Variants in PIEZO1 observed in about 807,000 individuals in gnomAD.
PIEZO1 encodes piezo-type mechanosensitive ion channel component 1.
PIEZO1 carries 296 observed loss-of-function variants against 297.2 expected under a neutral mutation model. That is an observed-to-expected ratio of 1.00 (90% CI 0.91 to 1.10). The LOEUF (loss-of-function observed/expected upper bound fraction) is 1.10, where lower values mean the gene tolerates loss of function less well. PIEZO1 is among the 50% of genes least tolerant of loss of function. The pLI, the probability that PIEZO1 is intolerant of heterozygous loss-of-function variation, is 0.00. For missense variants in PIEZO1, 5,018 were observed against 3,455.5 expected, an observed-to-expected ratio of 1.45 and a Z score of -11.34; for synonymous variants, 2,427 against 1,507.5, an observed-to-expected ratio of 1.61 and a Z score of -14.13.
intron 10 of PIEZO1, chr16:88,737,120 A>G (rs746197895): frequency 1.7e-5 from 4 of 236,862 alleles, no homozygotes; most frequent in Admixed American, 1.6e-4. Flanking sequence ...AAGTAGCCAG[A>G]AAGAGCCCCC....
intron 2 of PIEZO1, chr16:88,743,684 T>C: frequency 2.2e-6 from 1 of 456,282 alleles, no homozygotes; most frequent in Non-Finnish European, 4.4e-6. Flanking sequence ...ATGACCCACG[T>C]CCAAGTCACC....
intron 22 of PIEZO1, 179 bp downstream of exon 22, chr16:88,731,527 C>A (rs1290858666): frequency 3.4e-6 from 2 of 591,102 alleles, no homozygotes; most frequent in East Asian, 2.8e-5. Flanking sequence ...CAGGCCGCCC[C>A]CGAGAGACAG....
rs761870674 is a variant in PIEZO1, at chr16:88,723,083, G to A, written c.4495+12C>T. On this transcript the variant is annotated intron_variant, in intron 33 of 50. Coordinates refer to ENST00000301015, the MANE Select transcript of PIEZO1 (RefSeq NM_001142864.4). ...GAGAGACCTCCCACTCCCCAGCCCCGGGCCCACGTACCTGCCGCTGCCTCC... is the reference window on the plus strand; with the variant it reads ...GAGAGACCTCCCACTCCCCAGCCCCAGGCCCACGTACCTGCCGCTGCCTCC... 48 of 1,546,988 alleles carry A rather than the reference G, an allele frequency of 3.1e-5. No individual in the cohort carries two copies. Among genetic ancestry groups the A allele is most frequent in the African/African-American group, 2.6e-4 (19 of 73,134 alleles).
intron 23 of PIEZO1, 41 bp from the exon 24 acceptor site, chr16:88,727,233 C>T (rs1315445195): frequency 6.7e-7 from 1 of 1,495,564 alleles, no homozygotes; most frequent in Non-Finnish European, 8.9e-7. Context: ...CACGGGGACC[C>T]ACACGAGGTG....
chr16:88,725,197 G>C, intron 29 of PIEZO1, 117 bp from the exon 30 acceptor site: 1 of 781,574 alleles, frequency 1.3e-6, no homozygotes, highest in East Asian at 2.9e-5. Context: ...CACCCACAGT[G>C]ACGGGGGCCG....
At chr16:88,719,286 A>C (rs1297805197) in intron 44 of PIEZO1, 2 of 400,876 alleles carry the variant, frequency 5.0e-6, no homozygotes, top group South Asian at 3.2e-5. Flanking sequence ...ACAAGAATGC[A>C]GCAAACAGTG....
In PIEZO1 at chr16:88,785,201, T is replaced by A. The variant is rs1026681446; in HGVS notation, c.-237A>T. The A allele has an allele frequency of 1.1e-4, 27 of 248,238 alleles. No individual in the cohort carries two copies. Among genetic ancestry groups the A allele is most frequent in the Non-Finnish European group, 1.8e-4 (24 of 131,778 alleles). 15.4% of individuals were successfully genotyped at this position (248,238 alleles called of 1,614,324 possible). On this transcript the variant is annotated 5_prime_UTR_variant, in exon 1 of 51. Coordinates refer to ENST00000301015, the MANE Select transcript of PIEZO1 (RefSeq NM_001142864.4). The stretch of plus-strand genomic sequence containing the variant: ...AGCGCTCGGCTCACTGGGGCCGAGC[T>A]GGGCCGGACGGCGGCTCCCGCCCTC...
chr16:88,731,922 A>ATGCACTGAGTCTGGGG lies in PIEZO1; in HGVS notation c.2992-13_2992-12insCCCCAGACTCAGTGCA, dbSNP rs1904845868. ...ATCAGGAAGCAGATCTGGGGAGGGG[A>ATGCACTGAGTCTGGGG]GAGGGCGGGGTGTGGGGATGCACTG... On this transcript the variant is annotated splice_polypyrimidine_tract_variant and intron_variant, in intron 21 of 50. Transcript: ENST00000301015. 8.8e-5 allele frequency: 33 copies of ATGCACTGAGTCTGGGG among 376,384 alleles called. No individual in the cohort carries two copies. In the African/African-American group the frequency reaches 1.6e-3, roughly 19 times the overall value. The allele number at this position is 376,384 out of a possible 1,614,324, so 23.3% of individuals were successfully genotyped here. A position where few individuals can be genotyped will look rare whatever the true frequency, so the allele number is the denominator to read the frequency against.
chr16:88,727,304 G>A (rs535484187), intron 23 of PIEZO1, 112 bp from the exon 24 acceptor site: 38 of 1,241,924 alleles, frequency 3.1e-5, no homozygotes, highest in South Asian at 1.7e-4. Flanking sequence ...CGCTGGGAGC[G>A]GACACACGTC....
intron 22 of PIEZO1, 84 bp from the exon 23 acceptor site, chr16:88,727,745 A>C (rs749433507): frequency 8.2e-6 from 5 of 608,818 alleles, no homozygotes; most frequent in Admixed American, 3.4e-5. Context: ...ACCCGAGTCT[A>C]TCACCAGCCC....
chr16:88,764,455 C>T (rs1050107478), intron 1 of PIEZO1, among the ~76,000 whole-genome samples: 9 of 152,198 alleles, frequency 5.9e-5, no homozygotes, highest in East Asian at 1.9e-4. Context: ...GATCACGCGT[C>T]GACATTCCCC....
chr16:88,751,857 C>T (rs1906406323), intron 1 of PIEZO1, among the ~76,000 whole-genome samples: 1 of 152,114 alleles, frequency 6.6e-6, no homozygotes, highest in African/African-American at 2.4e-5. Context: ...AGGTGGCAGC[C>T]GTCCATGCAT....
rs1170578869 is a variant in PIEZO1 at position 88,731,842 on chromosome 16, G to A, written c.3060C>T (p.Cys1020=). 1.4e-6 allele frequency: 2 copies of A among 1,391,616 alleles called. No homozygotes were observed. Among genetic ancestry groups the A allele is most frequent in the Non-Finnish European group, 1.9e-6 (2 of 1,064,750 alleles). 86.2% of individuals were successfully genotyped at this position (1,391,616 alleles called of 1,614,324 possible). ...TGCGGGTGAGGATGGCCACCAGCCA[G>A]CAACCGTGCAGGGTCACCAGAAAGT... ...RMNFLVTLHG[C]WLVAILTRRH... The change falls in exon 22 of 51, where the codon TGC becomes TGT. Residue 1020 remains cysteine, a synonymous_variant. Coordinates refer to ENST00000301015, the MANE Select transcript of PIEZO1 (RefSeq NM_001142864.4).
In PIEZO1 at chr16:88,749,163, C is replaced by G. The variant is rs1404052336; in HGVS notation, c.160+221G>C. On this transcript the variant is annotated intron_variant, in intron 2 of 50. Coordinates refer to ENST00000301015, the MANE Select transcript of PIEZO1 (RefSeq NM_001142864.4). Reference sequence around the variant, plus strand: ...GCTGAGGCAGGAGAATGGCGTGAACCTGGGAGGCGAAGCCTGCAGTGAGCA... The same window carrying G: ...GCTGAGGCAGGAGAATGGCGTGAACGTGGGAGGCGAAGCCTGCAGTGAGCA... Among the ~76,000 whole-genome samples the G allele has an allele frequency of 1.1e-4, 16 of 152,014 alleles. No individual in the cohort carries two copies. In the East Asian group the frequency reaches 2.5e-3, roughly 24 times the overall value.
chr16:88,761,470 C>T (rs530330723), intron 1 of PIEZO1, among the ~76,000 whole-genome samples: 43 of 152,320 alleles, frequency 2.8e-4, no homozygotes, highest in African/African-American at 9.9e-4. Flanking sequence ...GAGGCAGAAG[C>T]AGTCTGGTCC....
intron 33 of PIEZO1, 40 bp from the exon 34 acceptor site, chr16:88,723,049 T>TG (rs1904293833): frequency 6.5e-7 from 1 of 1,543,702 alleles, no homozygotes; most frequent in African/African-American, 1.4e-5. Flanking sequence ...GGGCAGCCTG[T>TG]GGGGCCAAGA....
intron 44 of PIEZO1, chr16:88,717,449 G>T: frequency 1.6e-6 from 1 of 627,994 alleles, no homozygotes; most frequent in Non-Finnish European, 2.9e-6. Context: ...CAGTGGGAAC[G>T]GACAACCTTT....
At chr16:88,776,344 G>A (rs1907662330) in intron 1 of PIEZO1, among the ~76,000 whole-genome samples, 1 of 152,156 alleles carries the variant, frequency 6.6e-6, no homozygotes, top group Non-Finnish European at 1.5e-5. Context: ...TGAGGAAGGA[G>A]AATGGCGTGA....
chr16:88,719,588 G>C lies in PIEZO1; in HGVS notation c.6457C>G (p.Arg2153Gly), dbSNP rs368895635. 10 of 1,550,706 alleles carry C rather than the reference G, an allele frequency of 6.4e-6. No individual in the cohort carries two copies. Among genetic ancestry groups the C allele is most frequent in the Non-Finnish European group, 8.7e-6 (10 of 1,147,080 alleles). The change falls in exon 44 of 51, where the codon CGA (arginine) becomes GGA (glycine). Residue 2153 changes from arginine to glycine, a missense_variant. Transcript: ENST00000301015. Reference protein sequence around the residue: ...YANIFIIKCSRETEKKYPQPK... With the variant: ...YANIFIIKCSGETEKKYPQPK... ...GGCCCAGGCACCTTCTCTGTCTCTC[G>C]GCTGCATTTGATGATGAAGATGTTG...
Sources: allele counts gnomAD v4.1 joint callset (sites outside exome capture counted in the v4.1 genomes callset), GRCh38; gene constraint gnomAD v4.1.1; transcripts MANE v1.5; gene names NCBI Gene and HGNC (gene_info 2026-07-23, HGNC 2026-07-21).